The following UGT1A5 variants were observed in gnomAD, a reference collection of about 807,000 sequenced individuals.
UGT1A5 encodes UDP glucuronosyltransferase family 1 member A5.
UGT1A5 carries 29 observed loss-of-function variants against 40.3 expected under a neutral mutation model. That is an observed-to-expected ratio of 0.72 (90% CI 0.54 to 0.98). UGT1A5 has a LOEUF of 0.98. Ranked by LOEUF, UGT1A5 falls within the 50% of genes least tolerant of loss-of-function variation. The probability of loss-of-function intolerance (pLI) is 0.00; values close to 1 mark genes in which losing one functional copy is unlikely to be tolerated. For synonymous variants in UGT1A5, 257 were observed against 262.5 expected, an observed-to-expected ratio of 0.98 and a Z score of 0.20; for missense variants, 678 against 677.9, an observed-to-expected ratio of 1.00 and a Z score of 0.00.
At chr2:233,729,824 G>C in intron 1 of UGT1A5, 1 of 1,613,884 alleles carries the variant, frequency 6.2e-7, no homozygotes, top group South Asian at 1.1e-5. Flanking sequence ...CCTTATGCAA[G>C]CCTTGCCTCT....
intron 1 of UGT1A5, among the ~76,000 whole-genome samples, chr2:233,738,179 C>T (rs577754213): frequency 2.6e-5 from 4 of 152,258 alleles, no homozygotes; most frequent in African/African-American, 4.8e-5. Context: ...TCATGTAAGA[C>T]GTGTCTTTGC....
chr2:233,738,914 G>A (rs1053484676), intron 1 of UGT1A5: 2 of 152,216 alleles, frequency 1.3e-5, no homozygotes, highest in Non-Finnish European at 2.9e-5. Flanking sequence ...CCCATCACAG[G>A]CCTGGAGGCC....
rs2077784718 is a variant in UGT1A5 at position 233,729,074 on chromosome 2, T to G, written c.867+15216T>G. 9 of 1,611,804 alleles carry G rather than the reference T, an allele frequency of 5.6e-6. No individual in the cohort carries two copies. The Admixed American group carries it at 8.3e-5, about 15-fold the overall frequency. ...AGGTAATTAAGATGAAGAAAGCAAATGTAGCAGGCACAGCGTGGGGTGGAC... is the reference window on the plus strand; with the variant it reads ...AGGTAATTAAGATGAAGAAAGCAAAGGTAGCAGGCACAGCGTGGGGTGGAC... On this transcript the variant is annotated intron_variant, in intron 1 of 4. Transcript: ENST00000373414.
chr2:233,723,718 G>A (rs1250087108), intron 1 of UGT1A5, among the ~76,000 whole-genome samples: 1 of 83,498 alleles, frequency 1.2e-5, no homozygotes, highest in African/African-American at 6.1e-5. Context: ...TGAGATTAGG[G>A]ATTGGTGATG....
intron 1 of UGT1A5, among the ~76,000 whole-genome samples, chr2:233,748,498 T>G (rs1180536491): frequency 2.0e-5 from 3 of 151,812 alleles, no homozygotes; most frequent in Non-Finnish European, 4.4e-5. Flanking sequence ...TGTGATAATT[T>G]TTAGTGGTCC....
At chr2:233,719,033 A>C (rs754383567) in intron 1 of UGT1A5, 11 of 1,614,270 alleles carry the variant, frequency 6.8e-6, no homozygotes, top group Non-Finnish European at 9.3e-6. Flanking sequence ...ACATCAAAGA[A>C]GAGAAATTTT....
intron 1 of UGT1A5, chr2:233,729,725 C>G (rs780989099): frequency 1.1e-5 from 18 of 1,613,850 alleles, no homozygotes; most frequent in Non-Finnish European, 1.4e-5. Context: ...TTACTAACAA[C>G]CAATTCAGAC....
intron 1 of UGT1A5, among the ~76,000 whole-genome samples, chr2:233,764,833 G>C (rs1171416505): frequency 3.9e-5 from 6 of 151,966 alleles, no homozygotes; most frequent in African/African-American, 1.2e-4. Flanking sequence ...TGGTGGTGGG[G>C]AGGATGACTC....
intron 1 of UGT1A5, among the ~76,000 whole-genome samples, chr2:233,759,177 G>A (rs926803147): frequency 1.3e-5 from 2 of 152,142 alleles, no homozygotes; most frequent in East Asian, 1.9e-4. Flanking sequence ...CAGGTTTCAC[G>A]GCAAAAAGTT....
intron 1 of UGT1A5, among the ~76,000 whole-genome samples, chr2:233,739,315 G>A (rs1559383204): frequency 6.6e-6 from 1 of 152,196 alleles, no homozygotes; most frequent in Non-Finnish European, 1.5e-5. Context: ...GTGGAGTTGT[G>A]AGAAGAAGGC....
At chr2:233,766,566 G>A (rs930471985) in intron 1 of UGT1A5, among the ~76,000 whole-genome samples, 1 of 152,162 alleles carries the variant, frequency 6.6e-6, no homozygotes, top group Non-Finnish European at 1.5e-5. Context: ...AGGTCCATGG[G>A]CACAGGTCTG....
intron 1 of UGT1A5, among the ~76,000 whole-genome samples, chr2:233,727,386 G>A (rs1285965204): frequency 1.3e-5 from 2 of 152,076 alleles, no homozygotes; most frequent in Non-Finnish European, 2.9e-5. Context: ...GAGTACCACC[G>A]TCTTCCAAGA....
At chr2:233,716,621 G>T (rs1407040696) in intron 1 of UGT1A5, among the ~76,000 whole-genome samples, 2 of 152,070 alleles carry the variant, frequency 1.3e-5, no homozygotes, top group Non-Finnish European at 2.9e-5. Context: ...GTTTATTCTA[G>T]TGAAGTTTTT....
At chr2:233,751,152 G>T (rs1694652317) in intron 1 of UGT1A5, among the ~76,000 whole-genome samples, 1 of 151,956 alleles carries the variant, frequency 6.6e-6, no homozygotes, top group Non-Finnish European at 1.5e-5. Flanking sequence ...GCCCACTTCT[G>T]GCATCAGCAT....
chr2:233,743,946 C>T, intron 1 of UGT1A5: 1 of 1,349,798 alleles, frequency 7.4e-7, no homozygotes, highest in South Asian at 1.2e-5. Flanking sequence ...CCACCAGGCA[C>T]TGGCACAGCG....
chr2:233,751,264 C>CT (rs1248433988), intron 1 of UGT1A5, among the ~76,000 whole-genome samples: 2 of 151,872 alleles, frequency 1.3e-5, no homozygotes, highest in Admixed American at 1.3e-4. Context: ...CTGTAGCCCC[C>CT]TTTTTTTGGC....
intron 1 of UGT1A5, chr2:233,756,338 CTTGA>C (rs895884492): frequency 6.6e-6 from 1 of 152,178 alleles, no homozygotes; most frequent in Non-Finnish European, 1.5e-5. Context: ...CTAGTCATCT[CTTGA>C]TTACTTTTAC....
intron 1 of UGT1A5, among the ~76,000 whole-genome samples, chr2:233,759,710 G>C (rs746376626): frequency 6.6e-6 from 1 of 151,530 alleles, no homozygotes; most frequent in African/African-American, 2.4e-5. Context: ...GCGCGTGCTC[G>C]TGTGGTGGGC....
intron 1 of UGT1A5, among the ~76,000 whole-genome samples, chr2:233,742,120 G>A (rs910307834): frequency 2.0e-5 from 3 of 151,826 alleles, no homozygotes; most frequent in South Asian, 4.1e-4. Context: ...CAGCTTGGTC[G>A]TGGAGACCCT....
Sources: gnomAD v4.1 joint callset for allele counts (sites outside exome capture counted in the v4.1 genomes callset) on GRCh38, gnomAD v4.1.1 for gene constraint, MANE v1.5 for transcripts, NCBI Gene and HGNC (gene_info 2026-07-23, HGNC 2026-07-21) for gene names.